ODAD2: variants seen among roughly 807,000 people sequenced by gnomAD.
ODAD2 encodes outer dynein arm docking complex subunit 2.
Under a neutral mutation model 106.8 loss-of-function variants are expected in ODAD2, and 89 were observed. The observed-to-expected ratio is 0.83, with a 90% CI of 0.70 to 0.99. The LOEUF (loss-of-function observed/expected upper bound fraction) is 0.99. Among genes scored for constraint, ODAD2 ranks in the 50% least tolerant of loss-of-function variants. The pLI is 0.00. For synonymous variants in ODAD2, 404 were observed against 436.2 expected, an observed-to-expected ratio of 0.93 and a Z score of 0.92; for missense variants, 1,168 against 1,238.5, an observed-to-expected ratio of 0.94 and a Z score of 0.85.
At chr10:27,923,992 A>AG (rs1844995915) in intron 16 of ODAD2, among the ~76,000 whole-genome samples, 1 of 133,354 alleles carries the variant, frequency 7.5e-6, no homozygotes, top group African/African-American at 3.3e-5. Flanking sequence ...GAAAGAAAGA[A>AG]AGAAAGAAAG....
At chr10:27,988,474 C>T (rs1006843151) in intron 2 of ODAD2, among the ~76,000 whole-genome samples, 1 of 151,528 alleles carries the variant, frequency 6.6e-6, no homozygotes, top group African/African-American at 2.4e-5. Flanking sequence ...GTAGCTGGGA[C>T]TAGAGGCACA....
chr10:27,923,109 A>G (rs1844908194), intron 16 of ODAD2, among the ~76,000 whole-genome samples: 1 of 152,190 alleles, frequency 6.6e-6, no homozygotes, highest in African/African-American at 2.4e-5. Context: ...TGCAAATCTT[A>G]TAGCAAAATA....
intron 9 of ODAD2, among the ~76,000 whole-genome samples, chr10:27,963,138 G>GCC (rs1248594348): frequency 6.2e-4 from 94 of 152,086 alleles, no homozygotes; most frequent in African/African-American, 2.2e-3. Flanking sequence ...CTCCTGAGTA[G>GCC]CTGGACTTAC....
At chr10:27,845,900 C>G (rs1173424108) in intron 19 of ODAD2, among the ~76,000 whole-genome samples, 11 of 152,190 alleles carry the variant, frequency 7.2e-5, no homozygotes, top group Admixed American at 7.2e-4. Flanking sequence ...GCACCCAATA[C>G]AGGAGCACCC....
At chr10:27,893,138 G>A (rs1280575675) in intron 17 of ODAD2, among the ~76,000 whole-genome samples, 2 of 151,626 alleles carry the variant, frequency 1.3e-5, no homozygotes, top group African/African-American at 2.4e-5. Flanking sequence ...CAACCTGGGC[G>A]ACAGAGCCAG....
intron 17 of ODAD2, among the ~76,000 whole-genome samples, chr10:27,887,729 A>C (rs1010840869): frequency 3.9e-5 from 6 of 152,098 alleles, no homozygotes; most frequent in African/African-American, 1.4e-4. Flanking sequence ...GTAAGCAACC[A>C]GTGTGTCAAA....
chr10:27,842,846 A>T (rs1336062733), intron 19 of ODAD2, among the ~76,000 whole-genome samples: 2 of 152,230 alleles, frequency 1.3e-5, no homozygotes, highest in African/African-American at 4.8e-5. Flanking sequence ...CTAATTATAC[A>T]TATACCCTTT....
At chr10:27,819,349 A>C (rs549146248) in intron 19 of ODAD2, among the ~76,000 whole-genome samples, 24 of 152,302 alleles carry the variant, frequency 1.6e-4, no homozygotes, top group African/African-American at 5.8e-4. Flanking sequence ...ATTATTTTAA[A>C]GGCAACTCTG....
Position 27,868,043 on chromosome 10 carries a change from A to G in ODAD2, c.2611-5421T>C, listed in dbSNP as rs184481423. On this transcript the variant is annotated intron_variant, in intron 17 of 19. Coordinates refer to ENST00000305242, the MANE Select transcript of ODAD2 (RefSeq NM_018076.5). ...AAAAAACATGAACAAACACTTCTCA[A>G]AAGAAGACATTTATGCGGCCAACAA... Among the ~76,000 whole-genome samples, 4 of 152,298 alleles carry G rather than the reference A, an allele frequency of 2.6e-5. No individual in the cohort carries two copies. The East Asian group carries it at 7.7e-4, about 29-fold the overall frequency.
At chr10:27,933,753 A>T (rs1170396249) in intron 16 of ODAD2, among the ~76,000 whole-genome samples, 1 of 152,200 alleles carries the variant, frequency 6.6e-6, no homozygotes, top group East Asian at 1.9e-4. Flanking sequence ...AAACATAAAT[A>T]CATTAGAAAA....
At chr10:27,826,068 C>T (rs900642416) in intron 19 of ODAD2, among the ~76,000 whole-genome samples, 1 of 152,184 alleles carries the variant, frequency 6.6e-6, no homozygotes, top group Non-Finnish European at 1.5e-5. Context: ...CATACCCGGA[C>T]CTTAGTAATA....
intron 17 of ODAD2, among the ~76,000 whole-genome samples, chr10:27,880,954 A>C (rs1419998810): frequency 6.6e-6 from 1 of 152,202 alleles, no homozygotes; most frequent in Non-Finnish European, 1.5e-5. Context: ...CAATGTTTGG[A>C]AACTACCAGC....
At chr10:27,979,377 A>G (rs1849398299) in intron 7 of ODAD2, among the ~76,000 whole-genome samples, 1 of 151,832 alleles carries the variant, frequency 6.6e-6, no homozygotes, top group Non-Finnish European at 1.5e-5. Context: ...AGGAAGAAGT[A>G]AAACTATTTG....
chr10:27,812,675 T>A (rs1367570469), intron 19 of ODAD2, 50 bp from the exon 20 acceptor site: 5 of 1,517,416 alleles, frequency 3.3e-6, no homozygotes. Flanking sequence ...AAAACATTAA[T>A]CTAAAGACAT....
At position 27,970,990 on chromosome 10, in the gene ODAD2, A is replaced by G. The variant is rs1315416713; in HGVS notation, c.1142+118T>C. The stretch of plus-strand genomic sequence containing the variant: ...CCATCTTAAATAAATAAATAAATAA[A>G]TAAATAAATAAATAAATAAACAAAC... On this transcript the variant is annotated intron_variant, in intron 8 of 19. Coordinates refer to ENST00000305242, the MANE Select transcript of ODAD2 (RefSeq NM_018076.5). 22 of 366,244 alleles carry G rather than the reference A, an allele frequency of 6.0e-5. 2 individuals carry two copies. Among genetic ancestry groups the G allele is most frequent in the Admixed American group, 2.6e-4 (5 of 19,156 alleles). The allele number at this position is 366,244 out of a possible 1,614,324, so 22.7% of individuals were successfully genotyped here. A position where few individuals can be genotyped will look rare whatever the true frequency, so the allele number is the denominator to read the frequency against.
intron 7 of ODAD2, among the ~76,000 whole-genome samples, chr10:27,978,469 G>A (rs1467180929): frequency 6.6e-6 from 1 of 152,090 alleles, no homozygotes; most frequent in Non-Finnish European, 1.5e-5. Context: ...TTACTCAGGA[G>A]GGTCTACAAA....
chr10:27,960,959 A>G (rs559720673), intron 10 of ODAD2, among the ~76,000 whole-genome samples: 38 of 152,292 alleles, frequency 2.5e-4, no homozygotes, highest in African/African-American at 8.7e-4. Context: ...CCCTCCTGCA[A>G]ATTCAAATAC....
At chr10:27,846,829 A>T (rs1838802192) in intron 19 of ODAD2, among the ~76,000 whole-genome samples, 1 of 151,644 alleles carries the variant, frequency 6.6e-6, no homozygotes, top group South Asian at 2.1e-4. Flanking sequence ...TCTAGAAGAA[A>T]TGGATAAATT....
intron 19 of ODAD2, among the ~76,000 whole-genome samples, chr10:27,829,083 AG>A (rs1837284042): frequency 6.6e-6 from 1 of 152,176 alleles, no homozygotes; most frequent in African/African-American, 2.4e-5. Context: ...ATTATCCAGA[AG>A]AGATGAAGCC....
Sources: allele counts gnomAD v4.1 joint callset (sites outside exome capture counted in the v4.1 genomes callset), GRCh38; gene constraint gnomAD v4.1.1; transcripts MANE v1.5; gene names NCBI Gene and HGNC (gene_info 2026-07-23, HGNC 2026-07-21).